OSTF1: variants seen among roughly 807,000 people sequenced by gnomAD.
OSTF1 encodes osteoclast-stimulating factor 1.
Under a neutral mutation model 37.2 loss-of-function variants are expected in OSTF1, and 27 were observed. The ratio of observed to expected loss-of-function variants is 0.73; its 90% CI spans 0.54 to 1.00. The LOEUF is 1.00. OSTF1 is among the 50% of genes least tolerant of loss of function. The probability of loss-of-function intolerance (pLI) is 0.00; values close to 1 mark genes in which losing one functional copy is unlikely to be tolerated. For synonymous variants in OSTF1, 82 were observed against 89.2 expected (o/e 0.92, Z 0.46); for missense variants, 232 against 253.8 (o/e 0.91, Z 0.58).
intron 2 of OSTF1, among the ~76,000 whole-genome samples, chr9:75,122,463 G>T (rs976544626): frequency 6.6e-6 from 1 of 152,220 alleles, no homozygotes; most frequent in African/African-American, 2.4e-5. Flanking sequence ...AAAATATGCT[G>T]CCATTGGTTT....
rs186140919 is a variant in OSTF1 at position 75,106,617 on chromosome 9, C to G, written c.35-10887C>G. 4.6e-3 allele frequency among the ~76,000 whole-genome samples: 615 copies of G among 132,400 alleles called. 3 individuals carry two copies. The highest frequency in any genetic ancestry group is 0.016 in the African/African-American group (544 of 34,826). 86.9% of individuals were successfully genotyped at this position (132,400 alleles called of 152,430 possible). A position where few individuals can be genotyped will look rare whatever the true frequency, so the allele number is the denominator to read the frequency against. ...TTGAGGTCGTGCCATTGCACTCCAG[C>G]TTGGGCAACAAGAGTGAAATTCCAT... On this transcript the variant is annotated intron_variant, in intron 1 of 9. Coordinates refer to ENST00000346234, the MANE Select transcript of OSTF1 (RefSeq NM_012383.5).
At chr9:75,105,550 C>A (rs755468399) in intron 1 of OSTF1, among the ~76,000 whole-genome samples, 2 of 152,130 alleles carry the variant, frequency 1.3e-5, no homozygotes, top group African/African-American at 4.8e-5. Flanking sequence ...CCATTCTTAG[C>A]TTAAAGGTCA....
chr9:75,131,283 T>C (rs1362225792), intron 4 of OSTF1, among the ~76,000 whole-genome samples: 1 of 152,226 alleles, frequency 6.6e-6, no homozygotes, highest in Non-Finnish European at 1.5e-5. Flanking sequence ...CAGGTAGCTA[T>C]GCTGATTGTT....
At chr9:75,143,634 C>T (rs1825978387) in intron 9 of OSTF1, among the ~76,000 whole-genome samples, 3 of 152,106 alleles carry the variant, frequency 2.0e-5, no homozygotes. Flanking sequence ...TTTATTTCTC[C>T]ATCATTTATT....
At chr9:75,116,048 G>A (rs1341237128) in intron 1 of OSTF1, among the ~76,000 whole-genome samples, 2 of 152,082 alleles carry the variant, frequency 1.3e-5, no homozygotes, top group African/African-American at 4.8e-5. Context: ...AGGTTCCAGT[G>A]AGCTGAGATT....
At chr9:75,101,135 C>G (rs1009257238) in intron 1 of OSTF1, among the ~76,000 whole-genome samples, 1 of 152,100 alleles carries the variant, frequency 6.6e-6, no homozygotes, top group Non-Finnish European at 1.5e-5. Flanking sequence ...GCCCCTCCTT[C>G]CCGTAAACAA....
At chr9:75,088,825 C>T (rs1041941080) in intron 1 of OSTF1, 99 bp downstream of exon 1, 5 of 1,228,112 alleles carry the variant, frequency 4.1e-6, no homozygotes, top group Non-Finnish European at 1.2e-6. Context: ...CGCACCCGGC[C>T]CCGAGCCTGG....
intron 5 of OSTF1, 119 bp downstream of exon 5, chr9:75,131,942 C>G (rs1271154427): frequency 1.1e-5 from 8 of 724,928 alleles, no homozygotes; most frequent in Non-Finnish European, 1.4e-5. Flanking sequence ...TAGAACATTT[C>G]TGCCATCCTA....
intron 1 of OSTF1, among the ~76,000 whole-genome samples, chr9:75,102,734 A>G (rs1825215596): frequency 6.6e-6 from 1 of 152,162 alleles, no homozygotes; most frequent in South Asian, 2.1e-4. Context: ...TGCATGGGTA[A>G]CTACTGTTTG....
rs1825113760 is a variant in OSTF1, at chr9:75,097,769, TA to T, written c.34+9046del. Among the ~76,000 whole-genome samples the T allele has an allele frequency of 5.5e-5, 8 of 144,580 alleles. No individual in the cohort carries two copies. In the South Asian group the frequency reaches 1.8e-3, roughly 32 times the overall value. 94.9% of individuals were successfully genotyped at this position (144,580 alleles called of 152,430 possible). ...TGCCGTCCCCTCTTTTTTTTTTTTT[TA>T]AAGCAACAGCTCCATTAGCACCAAT... On this transcript the variant is annotated intron_variant, in intron 1 of 9. Coordinates refer to ENST00000346234, the MANE Select transcript of OSTF1 (RefSeq NM_012383.5).
At position 75,147,114 on chromosome 9, in the gene OSTF1, A is replaced by G. The variant is rs1826040807; in HGVS notation, c.*373A>G. On this transcript the variant is annotated 3_prime_UTR_variant, in exon 10 of 10. Coordinates refer to ENST00000346234, the MANE Select transcript of OSTF1 (RefSeq NM_012383.5). The stretch of plus-strand genomic sequence containing the variant: ...TTTGAATGGATTTTTCAAGGGGGGG[A>G]AATGCTTATTATAATAATAAACCAA... 1 of 145,810 alleles carries G rather than the reference A, an allele frequency of 6.9e-6. No individual in the cohort carries two copies. The highest frequency in any genetic ancestry group is 2.1e-4 in the South Asian group (1 of 4,790). 9.0% of individuals were successfully genotyped at this position (145,810 alleles called of 1,614,324 possible).
At chr9:75,137,981 T>G (rs1825869871) in intron 8 of OSTF1, among the ~76,000 whole-genome samples, 1 of 152,210 alleles carries the variant, frequency 6.6e-6, no homozygotes, top group South Asian at 2.1e-4. Context: ...CTGAGGCCCC[T>G]GTTCTCACAG....
intron 1 of OSTF1, among the ~76,000 whole-genome samples, chr9:75,104,931 C>T (rs973258186): frequency 2.0e-5 from 3 of 152,114 alleles, no homozygotes; most frequent in Admixed American, 6.5e-5. Context: ...CCTCAGTTTC[C>T]CCAGCTATAA....
At chr9:75,121,766 G>A (rs1825584112) in intron 2 of OSTF1, among the ~76,000 whole-genome samples, 1 of 152,192 alleles carries the variant, frequency 6.6e-6, no homozygotes, top group Non-Finnish European at 1.5e-5. Flanking sequence ...TGGAGGGATA[G>A]ATACACCACA....
rs201231543 is a variant in OSTF1 at position 75,139,027 on chromosome 9, CTTCT to C, written c.487+1438_487+1441del. On this transcript the variant is annotated intron_variant, in intron 8 of 9. Coordinates refer to ENST00000346234, the MANE Select transcript of OSTF1 (RefSeq NM_012383.5). ...TTCTTTGCCTTTAAATTTGGGGACA[CTTCT>C]TTCTTTCTTTCTTTCTTTCTTTCTT... 7.8e-4 allele frequency among the ~76,000 whole-genome samples: 94 copies of C among 120,554 alleles called. 2 individuals are homozygous for C. Among genetic ancestry groups the C allele is most frequent in the East Asian group, 5.7e-3 (24 of 4,192 alleles). The allele number at this position is 120,554 out of a possible 152,430, so 79.1% of individuals were successfully genotyped here.
At chr9:75,100,532 CCAG>C (rs1015024717) in intron 1 of OSTF1, among the ~76,000 whole-genome samples, 4 of 152,026 alleles carry the variant, frequency 2.6e-5, no homozygotes, top group Admixed American at 2.6e-4. Context: ...GAGTTTGAGA[CCAG>C]CCTGGCCAAC....
rs558626722 is a variant in OSTF1 at position 75,093,858 on chromosome 9, G to A, written c.34+5132G>A. 3.3e-5 allele frequency among the ~76,000 whole-genome samples: 5 copies of A among 152,280 alleles called. No homozygotes were observed. The South Asian group carries it at 1.0e-3, about 32-fold the overall frequency. Reference sequence around the variant, plus strand: ...CAGAATAAAGCCTGAGAAACATCTTGAAAATTTCACAATGATGATGATGAT... The same window carrying A: ...CAGAATAAAGCCTGAGAAACATCTTAAAAATTTCACAATGATGATGATGAT... On this transcript the variant is annotated intron_variant, in intron 1 of 9. Transcript: ENST00000346234.
rs10701570 is a variant in OSTF1, at chr9:75,145,177, A to ATCTATCATCTATCTAATCT, written c.587-1506_587-1505insTCTATCATCTATCTAATCT. On this transcript the variant is annotated intron_variant, in intron 9 of 9. Transcript: ENST00000346234. ...TATCTATCTACCTATCTATCTATCT[A>ATCTATCATCTATCTAATCT]ATCTATCTATCGGTTTGATCTAATT... 4.3e-3 allele frequency among the ~76,000 whole-genome samples: 635 copies of ATCTATCATCTATCTAATCT among 149,064 alleles called. 6 individuals carry two copies. The highest frequency in any genetic ancestry group is 0.014 in the African/African-American group (574 of 40,980).
At chr9:75,133,485 A>G (rs1825798702) in intron 6 of OSTF1, 84 bp downstream of exon 6, 2 of 815,002 alleles carry the variant, frequency 2.5e-6, no homozygotes, top group Admixed American at 4.4e-5. Flanking sequence ...AAAATGAGAA[A>G]GGAAAAGCAT....
Sources: gnomAD v4.1 joint callset for allele counts (sites outside exome capture counted in the v4.1 genomes callset) on GRCh38, gnomAD v4.1.1 for gene constraint, MANE v1.5 for transcripts, NCBI Gene and HGNC (gene_info 2026-07-23, HGNC 2026-07-21) for gene names.